Variants in SPTB observed in about 807,000 individuals in gnomAD.
The protein encoded by SPTB is spectrin beta, erythrocytic, also known as spectrin beta chain, erythrocytic.
A neutral mutation model predicts 256.2 loss-of-function variants in SPTB; 45 were observed. The observed-to-expected ratio is 0.18, with a 90% confidence interval of 0.14 to 0.23. SPTB has a LOEUF of 0.23. Among genes scored for constraint, SPTB ranks in the 10% least tolerant of loss-of-function variants. SPTB has a pLI of 1.00. For synonymous variants in SPTB, 1,231 were observed against 1,243.1 expected, an observed-to-expected ratio of 0.99 and a Z score of 0.21; for missense variants, 2,715 against 3,040.4, an observed-to-expected ratio of 0.89 and a Z score of 2.52.
chr14:64,784,327 G>C lies in SPTB; in HGVS notation c.3922C>G (p.Leu1308Val). ...TGGTGCTTTAGCCATTTATTGTGAA[G>C]GTTTCGTGCTTCATCATAGGAGACA... ...QDVSYDEARN[L>V]HNKWLKHQAF... Residue 1308 changes from leucine (L) to valine (V), a missense_variant, in exon 19 of 36, where the codon CTT becomes GTT. Around this residue, in one of 4 missense-constraint regions of SPTB, gnomAD observed 2,239 missense variants for 2,384.4 expected, o/e 0.94. Transcript: ENST00000644917. 1 of 1,614,248 alleles carries C rather than the reference G, an allele frequency of 6.2e-7. No individual in the cohort carries two copies. Among genetic ancestry groups the C allele is most frequent in the Non-Finnish European group, 8.5e-7 (1 of 1,180,046 alleles).
Position 64,771,346 on chromosome 14 carries a change from T to C in SPTB, c.5554-217A>G, listed in dbSNP as rs7155293. On this transcript the variant is annotated intron_variant, in intron 26 of 35. Transcript: ENST00000644917. The stretch of plus-strand genomic sequence containing the variant: ...GATACCTCTTGAACTTTGTGAAGGT[T>C]TGGGAGTGAGAGGAAATCCTGCCCT... 0.049 allele frequency among the ~76,000 whole-genome samples: 7,469 copies of C among 152,256 alleles called. 662 individuals are homozygous for C. The highest frequency in any genetic ancestry group is 0.17 in the African/African-American group (7,043 of 41,518).
Position 64,772,585 on chromosome 14 carries a change from C to T in SPTB, c.5548G>A (p.Val1850Ile). 6.2e-7 allele frequency: 1 copy of T among 1,606,994 alleles called. No individual in the cohort carries two copies. Among genetic ancestry groups the T allele is most frequent in the Non-Finnish European group, 8.5e-7 (1 of 1,179,888 alleles). Residue 1850 changes from valine (V) to isoleucine (I), a missense_variant, in exon 26 of 36, where the codon GTC (valine) becomes ATC (isoleucine). Physicochemically the swap from Val to Ile is conservative, Grantham distance 29. This residue lies in a region of SPTB where 2,239 missense variants were observed against 2,384.4 expected (regional missense o/e 0.94). Transcript: ENST00000644917. This position sits in a 1 kb window ranked among gnomAD's most constrained non-coding sequence, Gnocchi z 5.4. ...AFERELHLLG[V>I]QVQQFQDVAT... ...CGGCAGGGGGCTGAAGGTACCTGGA[C>T]ACCCAGCAGGTGGAGCTCCCGCTCG...
chr14:64,766,888 C>G, intron 31 of SPTB, 87 bp from the exon 32 acceptor site: 1 of 1,520,456 alleles, frequency 6.6e-7, no homozygotes, highest in African/African-American at 1.4e-5. Context: ...CCTGCGCCCA[C>G]AGGGAGGAGC....
rs1299681463 is a variant in SPTB, at chr14:64,749,862, G to GA, written c.6776+118dup. The GA allele has an allele frequency of 3.9e-6, 6 of 1,521,332 alleles. No homozygotes were observed. In the African/African-American group the frequency reaches 8.3e-5, roughly 21 times the overall value. 94.2% of individuals were successfully genotyped at this position (1,521,332 alleles called of 1,614,324 possible). On this transcript the variant is annotated intron_variant, in intron 34 of 35. Transcript: ENST00000644917. The surrounding 1 kb of genome is among the most constrained non-coding windows in gnomAD (Gnocchi z 4.7). ...TCTGGACCATCAGCCTCTTTGATTT[G>GA]AAAAACCCCTGAGGAGCAGCTCAGG... is the stretch of plus-strand genomic sequence containing the variant.
rs57609954 is a variant in SPTB at position 64,792,350 on chromosome 14, G to A, written c.2667-494C>T. Among the ~76,000 whole-genome samples the A allele has an allele frequency of 3.3e-3, 498 of 152,204 alleles. 5 individuals carry two copies. Among genetic ancestry groups the A allele is most frequent in the African/African-American group, 0.011 (465 of 41,510 alleles). On this transcript the variant is annotated intron_variant, in intron 14 of 35. Transcript: ENST00000644917. The surrounding 1 kb of genome is among the most constrained non-coding windows in gnomAD (Gnocchi z 4.2). ...GGGCGGTGGTCGGGGGGAATTTGTG[G>A]TTCTGAAGGCCGATCCTTCTAGGGT...
In SPTB at chr14:64,779,108, TG is replaced by T. The variant is rs1555368376; in HGVS notation, c.4563+48del. 7.7e-7 allele frequency: 1 copy of T among 1,297,424 alleles called. No homozygotes were observed. The highest frequency in any genetic ancestry group is 3.4e-5 in the East Asian group (1 of 29,234). 80.4% of individuals were successfully genotyped at this position (1,297,424 alleles called of 1,614,324 possible). ...CTGGGCCTACCCCCGTGGGGCCAGG[TG>T]GGGGTGAGGAGGGGTGGGTGGGGCT... On this transcript the variant is annotated intron_variant, in intron 22 of 35. Coordinates refer to ENST00000644917, the MANE Select transcript of SPTB (RefSeq NM_001355436.2). The surrounding 1 kb of genome is among the most constrained non-coding windows in gnomAD (Gnocchi z 4.2).
intron 33 of SPTB, chr14:64,752,301 C>T (rs1195273216): frequency 1.6e-6 from 2 of 1,283,674 alleles, no homozygotes; most frequent in Admixed American, 2.1e-5. Context: ...CCTCTCCTCT[C>T]CCTCTTCTCC....
intron 33 of SPTB, among the ~76,000 whole-genome samples, chr14:64,751,926 G>GAAAAAAAAAAAAAAAAA (rs2081955555): frequency 1.3e-5 from 1 of 76,032 alleles, no homozygotes; most frequent in South Asian, 3.9e-4. Flanking sequence ...TACTAAAAAT[G>GAAAAAAAAAAAAAAAAA]CAAAAAAAAA....
At chr14:64,833,276 C>A (rs940605549) in intron 1 of SPTB, among the ~76,000 whole-genome samples, 3 of 152,182 alleles carry the variant, frequency 2.0e-5, no homozygotes, top group Admixed American at 2.0e-4. Flanking sequence ...CTCTGCTGGG[C>A]GCGGTGGCTC....
Position 64,797,241 on chromosome 14 carries a change from G to A in SPTB, c.1182+488C>T, listed in dbSNP as rs2082787874. 3.7e-5 allele frequency among the ~76,000 whole-genome samples: 5 copies of A among 136,368 alleles called. No individual in the cohort carries two copies. The South Asian group carries it at 1.4e-3, about 39-fold the overall frequency. The allele number at this position is 136,368 out of a possible 152,430, so 89.5% of individuals were successfully genotyped here. A position where few individuals can be genotyped will look rare whatever the true frequency, so the allele number is the denominator to read the frequency against. ...TAATCTCAGCACTTTGGGAGGCCAAGGTGGGAGGATTGTTTGAGCCCAGTA... is the reference window on the plus strand; with the variant it reads ...TAATCTCAGCACTTTGGGAGGCCAAAGTGGGAGGATTGTTTGAGCCCAGTA... On this transcript the variant is annotated intron_variant, in intron 10 of 35. Coordinates refer to ENST00000644917, the MANE Select transcript of SPTB (RefSeq NM_001355436.2).
chr14:64,813,790 T>C (rs766965320), intron 2 of SPTB, among the ~76,000 whole-genome samples: 65 of 152,322 alleles, frequency 4.3e-4, no homozygotes, highest in Non-Finnish European at 7.8e-4. Flanking sequence ...CCTCCAAAAG[T>C]GCCTGGATTA....
chr14:64,749,976 C>T lies in SPTB; in HGVS notation c.6776+5G>A. On this transcript the variant is annotated splice_donor_5th_base_variant and intron_variant, in intron 34 of 35. Transcript: ENST00000644917. This position sits in a 1 kb window ranked among gnomAD's most constrained non-coding sequence, Gnocchi z 4.7. ...CCGAGCTTTCAAAGGCCAGGAAGGCCTCACCTCAGCTTAAAGACGTGCTTC... is the reference window on the plus strand; with the variant it reads ...CCGAGCTTTCAAAGGCCAGGAAGGCTTCACCTCAGCTTAAAGACGTGCTTC... 6.2e-7 allele frequency: 1 copy of T among 1,614,236 alleles called. No individual in the cohort carries two copies. Among genetic ancestry groups the T allele is most frequent in the Non-Finnish European group, 8.5e-7 (1 of 1,180,052 alleles).
intron 1 of SPTB, among the ~76,000 whole-genome samples, chr14:64,843,585 T>C (rs371388724): frequency 2.9e-4 from 44 of 152,220 alleles, no homozygotes; most frequent in Non-Finnish European, 2.6e-4. Context: ...TCTCCGGTAG[T>C]AGGAAAAAAG....
intron 1 of SPTB, among the ~76,000 whole-genome samples, chr14:64,874,960 C>G (rs1882740704): frequency 6.6e-6 from 1 of 152,096 alleles, no homozygotes; most frequent in South Asian, 2.1e-4. Flanking sequence ...AGCCCTGTGC[C>G]TTTTCACTTG....
At chr14:64,752,030 G>A (rs1175147029) in intron 33 of SPTB, among the ~76,000 whole-genome samples, 1 of 151,840 alleles carries the variant, frequency 6.6e-6, no homozygotes, top group East Asian at 1.9e-4. Flanking sequence ...GGAGGCGGAG[G>A]TTGCAGTGAG....
At chr14:64,765,139 G>T (rs1311776822) in intron 32 of SPTB, among the ~76,000 whole-genome samples, 2 of 152,046 alleles carry the variant, frequency 1.3e-5, no homozygotes, top group Non-Finnish European at 2.9e-5. Context: ...CTCACTATCT[G>T]TATATGTTTC....
rs1299348930 is a variant in SPTB at position 64,770,876 on chromosome 14, T to G, written c.5798+9A>C. 1 of 1,613,736 alleles carries G rather than the reference T, an allele frequency of 6.2e-7. No homozygotes were observed. Among genetic ancestry groups the G allele is most frequent in the Non-Finnish European group, 8.5e-7 (1 of 1,180,000 alleles). On this transcript the variant is annotated intron_variant, in intron 27 of 35. Transcript: ENST00000644917. ...GGAGCTGCCTCTGCCTCAAGGACACTCCCCTCACCTGGGCCTCTCCTGGGT... is the reference window on the plus strand; with the variant it reads ...GGAGCTGCCTCTGCCTCAAGGACACGCCCCTCACCTGGGCCTCTCCTGGGT...
rs192053607 is a variant in SPTB at position 64,807,672 on chromosome 14, C to T, written c.149-2582G>A. Among the ~76,000 whole-genome samples the T allele has an allele frequency of 2.6e-5, 4 of 152,364 alleles. No individual in the cohort carries two copies. Among genetic ancestry groups the T allele is most frequent in the East Asian group, 3.9e-4 (2 of 5,190 alleles). On this transcript the variant is annotated intron_variant, in intron 2 of 35. Transcript: ENST00000644917. The surrounding 1 kb of genome is among the most constrained non-coding windows in gnomAD (Gnocchi z 4.7). ...TTTCCATGAGCTGGCTGGCTCCAGC[C>T]GCCTGGCATTGGCATGCTCAGCACA...
At position 64,818,299 on chromosome 14, in the gene SPTB, T is replaced by C. The variant is rs946903813; in HGVS notation, c.148+4648A>G. 3.9e-5 allele frequency among the ~76,000 whole-genome samples: 6 copies of C among 152,208 alleles called. No individual in the cohort carries two copies. The East Asian group carries it at 5.8e-4, about 15-fold the overall frequency. ...TCGCAGGAGGCTCCGGACTGCTCCC[T>C]GCACTGCGAGATGCCTCTGTGAGCC... is the stretch of plus-strand genomic sequence containing the variant. On this transcript the variant is annotated intron_variant, in intron 2 of 35. Coordinates refer to ENST00000644917, the MANE Select transcript of SPTB (RefSeq NM_001355436.2).
Sources: gnomAD v4.1 joint callset for allele counts (sites outside exome capture counted in the v4.1 genomes callset) on GRCh38, gnomAD v4.1.1 for gene constraint, gnomAD v4.1.1 regional missense constraint, Gnocchi (gnomAD v3.1) non-coding constraint, MANE v1.5 for transcripts, NCBI Gene and HGNC (gene_info 2026-07-23, HGNC 2026-07-21) for gene names.